The following MYL1 variants were observed in gnomAD, a reference collection of about 807,000 sequenced individuals.
MYL1 encodes myosin light chain 1.
MYL1 carries 16 observed loss-of-function variants against 21.8 expected under a neutral mutation model. The ratio of observed to expected loss-of-function variants is 0.74; its 90% CI spans 0.50 to 1.12. The LOEUF is 1.12. Ranked by LOEUF, MYL1 falls within the 50% of genes most tolerant of loss-of-function variation. The pLI is 0.00. For synonymous variants in MYL1, 99 were observed against 85.2 expected (o/e 1.16, Z -0.89); for missense variants, 246 against 241.0 (o/e 1.02, Z -0.14).
intron 1 of MYL1, among the ~76,000 whole-genome samples, chr2:210,304,412 C>A (rs1285040351): frequency 6.6e-6 from 1 of 152,082 alleles, no homozygotes; most frequent in Non-Finnish European, 1.5e-5. Context: ...TTTAACTACA[C>A]ATAAGTTCTT....
At chr2:210,294,038 T>C (rs2125738790) in intron 4 of MYL1, among the ~76,000 whole-genome samples, 1 of 152,364 alleles carries the variant, frequency 6.6e-6, no homozygotes, top group South Asian at 2.1e-4. Context: ...TTTCCTTTAC[T>C]TATTCATTAC....
At chr2:210,294,965 T>C (rs992457303) in intron 3 of MYL1, among the ~76,000 whole-genome samples, 1 of 152,180 alleles carries the variant, frequency 6.6e-6, no homozygotes, top group African/African-American at 2.4e-5. Context: ...AATCCTTTCT[T>C]TAAATTTTAA....
At position 210,314,930 on chromosome 2, in the gene MYL1, A is replaced by T; in HGVS notation, c.113T>A (p.Ile38Asn). ...AGTTACCTTAATGGCAGAGAGGTCA[A>T]TTTTTTCTTCTTTGGGTTTGGCTGG... is the stretch of plus-strand genomic sequence containing the variant. ...PAPAKPKEEKIDLSAIKIEFS... is the reference protein window; with the variant it reads ...PAPAKPKEEKNDLSAIKIEFS... The change falls in exon 1 of 7, where the codon ATT becomes AAT. Residue 38 changes from isoleucine (I) to asparagine (N), a missense_variant. By Grantham distance (149) the Ile-to-Asn change is moderately radical. Transcript: ENST00000352451. The T allele has an allele frequency of 6.2e-7, 1 of 1,613,850 alleles. No homozygotes were observed. The highest frequency in any genetic ancestry group is 8.5e-7 in the Non-Finnish European group (1 of 1,179,834).
At chr2:210,291,728 C>T (rs116643663) in intron 5 of MYL1, among the ~76,000 whole-genome samples, 1 of 152,164 alleles carries the variant, frequency 6.6e-6, no homozygotes, top group African/African-American at 2.4e-5. Flanking sequence ...CATTGATAGA[C>T]ATTCGATTGT....
chr2:210,302,610 A>G, intron 1 of MYL1, 95 bp from the exon 2 acceptor site: 1 of 1,515,216 alleles, frequency 6.6e-7, no homozygotes, highest in East Asian at 2.3e-5. Context: ...GTAATCTTCA[A>G]AGTAAGCTCC....
intron 2 of MYL1, among the ~76,000 whole-genome samples, chr2:210,299,420 A>C (rs1279430720): frequency 6.6e-6 from 1 of 152,136 alleles, no homozygotes; most frequent in Non-Finnish European, 1.5e-5. Flanking sequence ...TATCATAACC[A>C]AGATATTCAC....
intron 1 of MYL1, among the ~76,000 whole-genome samples, chr2:210,311,146 T>C (rs1307489900): frequency 6.6e-6 from 1 of 152,086 alleles, no homozygotes; most frequent in East Asian, 1.9e-4. Flanking sequence ...TTTCAGAGCC[T>C]TTCGTGGAGC....
rs1002388225 is a variant in MYL1, at chr2:210,290,391, G to A, written c.*91C>T. The A allele has an allele frequency of 3.9e-5, 6 of 152,130 alleles. 1 individual carries two copies. The highest frequency in any genetic ancestry group is 3.9e-4 in the Admixed American group (6 of 15,278). The allele number at this position is 152,130 out of a possible 1,614,324, so 9.4% of individuals were successfully genotyped here. A position where few individuals can be genotyped will look rare whatever the true frequency, so the allele number is the denominator to read the frequency against. On this transcript the variant is annotated 3_prime_UTR_variant, in exon 7 of 7. Transcript: ENST00000352451. ...AGATTGCTTTGTTTTCCTGAATGATGGTAAACAGATCTGGAGAGTTTGTCA... is the reference window on the plus strand; with the variant it reads ...AGATTGCTTTGTTTTCCTGAATGATAGTAAACAGATCTGGAGAGTTTGTCA...
At position 210,313,229 on chromosome 2, in the gene MYL1, A is replaced by T. The variant is rs1461093703; in HGVS notation, c.132+1682T>A. Among the ~76,000 whole-genome samples, 3 of 151,976 alleles carry T rather than the reference A, an allele frequency of 2.0e-5. No individual in the cohort carries two copies. The East Asian group carries it at 5.8e-4, about 29-fold the overall frequency. Reference sequence around the variant, plus strand: ...TCATTTGCTTCTTAGGTAAAGAGGTACATTTTCTTTTCTTTACAGAAGTTT... The same window carrying T: ...TCATTTGCTTCTTAGGTAAAGAGGTTCATTTTCTTTTCTTTACAGAAGTTT... On this transcript the variant is annotated intron_variant, in intron 1 of 6. Transcript: ENST00000352451.
chr2:210,314,839 C>A, intron 1 of MYL1, 72 bp downstream of exon 1: 1 of 1,549,590 alleles, frequency 6.5e-7, no homozygotes, highest in Non-Finnish European at 8.9e-7. Flanking sequence ...AAATACACGC[C>A]TTTGCAAGTT....
Position 210,314,963 on chromosome 2 carries a change from G to A in MYL1, c.80C>T (p.Ala27Val). 1.2e-6 allele frequency: 2 copies of A among 1,613,274 alleles called. No homozygotes were observed. Among genetic ancestry groups the A allele is most frequent in the South Asian group, 1.1e-5 (1 of 91,016 alleles). The change falls in exon 1 of 7, where the codon GCC becomes GTC. Residue 27 changes from alanine to valine, a missense_variant. Physicochemically the swap from Ala to Val is moderately conservative, Grantham distance 64. Coordinates refer to ENST00000352451, the MANE Select transcript of MYL1 (RefSeq NM_079420.3). ...TTCTTTGGGTTTGGCTGGGGCAGGGGCAGGTGCAGGTGCCGGTGCCGGGGC... is the reference window on the plus strand; with the variant it reads ...TTCTTTGGGTTTGGCTGGGGCAGGGACAGGTGCAGGTGCCGGTGCCGGGGC... Reference protein sequence around the residue: ...APAPAPAPAPAPAPAKPKEEK... With the variant: ...APAPAPAPAPVPAPAKPKEEK...
At chr2:210,313,596 A>T (rs1323030619) in intron 1 of MYL1, among the ~76,000 whole-genome samples, 1 of 151,936 alleles carries the variant, frequency 6.6e-6, no homozygotes. Flanking sequence ...AGTTCTTAAT[A>T]TTATATTCCA....
In MYL1 at chr2:210,294,408, G is replaced by A. The variant is rs1394484748; in HGVS notation, c.315C>T (p.Ala105=). ...LGNPSNEELN[A]KKIEFEQFLP... is the part of the protein sequence containing the mutation. Reference sequence around the variant, plus strand: ...GAAATTGTTCAAACTCAATTTTCTTGGCATTCAGCTCTGTAAGAAATTGCA... The same window carrying A: ...GAAATTGTTCAAACTCAATTTTCTTAGCATTCAGCTCTGTAAGAAATTGCA... Residue 105 remains alanine (A), a synonymous_variant, in exon 4 of 7, where the codon GCC becomes GCT. Coordinates refer to ENST00000352451, the MANE Select transcript of MYL1 (RefSeq NM_079420.3). 6.2e-7 allele frequency: 1 copy of A among 1,613,542 alleles called. No homozygotes were observed. Among genetic ancestry groups the A allele is most frequent in the East Asian group, 2.2e-5 (1 of 44,840 alleles).
intron 1 of MYL1, among the ~76,000 whole-genome samples, chr2:210,306,532 C>T (rs901091531): frequency 2.0e-5 from 3 of 152,100 alleles, no homozygotes; most frequent in Admixed American, 6.5e-5. Flanking sequence ...ACCTTTATCA[C>T]ATAGAGAATG....
chr2:210,308,425 TATA>T (rs1690371821), intron 1 of MYL1, among the ~76,000 whole-genome samples: 1 of 92,632 alleles, frequency 1.1e-5, no homozygotes, highest in South Asian at 3.6e-4. Context: ...TATATATATA[TATA>T]TATATATATA....
chr2:210,295,813 AGACC>A (rs1690164525), intron 3 of MYL1, among the ~76,000 whole-genome samples: 1 of 149,348 alleles, frequency 6.7e-6, no homozygotes, highest in Admixed American at 6.7e-5. Context: ...TGACAGAGTG[AGACC>A]CTGCCTCAGA....
At chr2:210,301,880 T>A (rs1690269999) in intron 2 of MYL1, among the ~76,000 whole-genome samples, 1 of 152,154 alleles carries the variant, frequency 6.6e-6, no homozygotes, top group African/African-American at 2.4e-5. Flanking sequence ...TATCACTAAT[T>A]CTTTGAGTCA....
At chr2:210,294,158 T>C (rs1690131850) in intron 4 of MYL1, 87 bp downstream of exon 4, 8 of 1,316,228 alleles carry the variant, frequency 6.1e-6, no homozygotes, top group Non-Finnish European at 8.1e-6. Flanking sequence ...TAGTCTTTCC[T>C]CCTATTTTGG....
intron 1 of MYL1, among the ~76,000 whole-genome samples, chr2:210,305,431 T>C (rs1690325712): frequency 6.6e-6 from 1 of 152,172 alleles, no homozygotes; most frequent in African/African-American, 2.4e-5. Context: ...TGTGTAACTT[T>C]GAATATTACA....
Sources: gnomAD v4.1 joint callset for allele counts (sites outside exome capture counted in the v4.1 genomes callset) on GRCh38, gnomAD v4.1.1 for gene constraint, MANE v1.5 for transcripts, NCBI Gene and HGNC (gene_info 2026-07-23, HGNC 2026-07-21) for gene names.